L3MBTL4: variants seen among roughly 807,000 people sequenced by gnomAD.
The protein encoded by L3MBTL4 is lethal(3)malignant brain tumor-like protein 4.
In L3MBTL4, 70 loss-of-function variants were observed where a neutral mutation model predicts 84.5. The ratio of observed to expected loss-of-function variants is 0.83; its 90% CI spans 0.68 to 1.01. The LOEUF is 1.01. Among genes scored for constraint, L3MBTL4 ranks in the 50% least tolerant of loss-of-function variants. The probability of loss-of-function intolerance (pLI) is 0.00; values close to 1 mark genes in which losing one functional copy is unlikely to be tolerated. For missense variants in L3MBTL4, 715 were observed against 754.8 expected (o/e 0.95, Z 0.62); for synonymous variants, 274 against 259.8 (o/e 1.05, Z -0.52).
At chr18:6,195,594 C>T (rs1402415601) in intron 12 of L3MBTL4, among the ~76,000 whole-genome samples, 1 of 152,224 alleles carries the variant, frequency 6.6e-6, no homozygotes, top group African/African-American at 2.4e-5. Context: ...GCAAACAGCA[C>T]ACTCAGAGAA....
intron 1 of L3MBTL4, among the ~76,000 whole-genome samples, chr18:6,407,979 C>T (rs887521247): frequency 1.3e-5 from 2 of 152,084 alleles, no homozygotes; most frequent in South Asian, 4.1e-4. Flanking sequence ...AAAGCAGACA[C>T]AAATGTACAA....
intron 1 of L3MBTL4, among the ~76,000 whole-genome samples, chr18:6,348,296 T>C (rs911447598): frequency 2.6e-4 from 40 of 152,062 alleles, no homozygotes; most frequent in African/African-American, 9.2e-4. Context: ...CTAACAGTTA[T>C]ATGGAAATAC....
intron 16 of L3MBTL4, among the ~76,000 whole-genome samples, chr18:6,036,875 T>C (rs1393229353): frequency 2.0e-5 from 3 of 152,204 alleles, no homozygotes; most frequent in African/African-American, 7.2e-5. Context: ...CCTGTACCTT[T>C]CCCGGGCCAT....
At chr18:6,257,074 C>T (rs540722646) in intron 5 of L3MBTL4, among the ~76,000 whole-genome samples, 9 of 152,196 alleles carry the variant, frequency 5.9e-5, no homozygotes, top group African/African-American at 1.9e-4. Context: ...CACTGTAGTA[C>T]GCTGGACACT....
At chr18:6,339,474 T>G (rs1204104310) in intron 1 of L3MBTL4, among the ~76,000 whole-genome samples, 2 of 152,216 alleles carry the variant, frequency 1.3e-5, no homozygotes, top group Non-Finnish European at 2.9e-5. Context: ...CCACAATTTG[T>G]GAGATGCAGC....
In L3MBTL4 at chr18:6,298,445, A is replaced by G. The variant is rs541650376; in HGVS notation, c.127+3458T>C. Among the ~76,000 whole-genome samples, 3 of 152,232 alleles carry G rather than the reference A, an allele frequency of 2.0e-5. No individual in the cohort carries two copies. In the South Asian group the frequency reaches 6.2e-4, roughly 32 times the overall value. ...CCTTTCATTAGCTATAGTTGCGGAT[A>G]ATCTTTGCTAGTTTGTTGTTTCCCT... On this transcript the variant is annotated intron_variant, in intron 4 of 18. Transcript: ENST00000317931.
chr18:6,146,426 G>T (rs1023470496), intron 13 of L3MBTL4, among the ~76,000 whole-genome samples: 1 of 152,166 alleles, frequency 6.6e-6, no homozygotes, highest in Non-Finnish European at 1.5e-5. Flanking sequence ...GGCTGAGAGC[G>T]AGGAACTCAG....
At chr18:5,988,864 G>T (rs893216972) in intron 16 of L3MBTL4, among the ~76,000 whole-genome samples, 2 of 152,126 alleles carry the variant, frequency 1.3e-5, no homozygotes, top group Non-Finnish European at 1.5e-5. Context: ...TGTCACCAGG[G>T]TTGAGACACC....
chr18:6,168,607 G>C (rs539836567), intron 13 of L3MBTL4, among the ~76,000 whole-genome samples: 1 of 152,254 alleles, frequency 6.6e-6, no homozygotes, highest in South Asian at 2.1e-4. Context: ...ATGGTGCTGG[G>C]AAAACTGGCT....
intron 1 of L3MBTL4, among the ~76,000 whole-genome samples, chr18:6,412,074 A>G (rs1223413214): frequency 6.6e-6 from 1 of 152,124 alleles, no homozygotes; most frequent in East Asian, 1.9e-4. Flanking sequence ...TTTGTTGTAC[A>G]GATTATTTCA....
chr18:6,073,304 T>C (rs2057750246), intron 16 of L3MBTL4, among the ~76,000 whole-genome samples: 1 of 151,964 alleles, frequency 6.6e-6, no homozygotes, highest in African/African-American at 2.4e-5. Context: ...AACAACTCAA[T>C]AGCAACAGAC....
chr18:6,202,694 T>C (rs2045698419), intron 12 of L3MBTL4, among the ~76,000 whole-genome samples: 1 of 152,100 alleles, frequency 6.6e-6, no homozygotes, highest in Non-Finnish European at 1.5e-5. Flanking sequence ...GGGTAGACTG[T>C]AAGAATGACT....
chr18:6,119,623 ATCTAGTTTAAACAGTACAG>A (rs1250216828), intron 14 of L3MBTL4, among the ~76,000 whole-genome samples: 1 of 152,086 alleles, frequency 6.6e-6, no homozygotes, highest in Non-Finnish European at 1.5e-5. Context: ...CTATTTTGTA[ATCTAGTTTAAACAGTACAG>A]AAGCCAGGCC....
At chr18:6,262,722 TC>T (rs2048460359) in intron 5 of L3MBTL4, among the ~76,000 whole-genome samples, 1 of 152,184 alleles carries the variant, frequency 6.6e-6, no homozygotes, top group African/African-American at 2.4e-5. Context: ...GGTCTCATTT[TC>T]CATGGTATGA....
chr18:6,349,886 C>A (rs1271765827), intron 1 of L3MBTL4, among the ~76,000 whole-genome samples: 1 of 152,104 alleles, frequency 6.6e-6, no homozygotes, highest in Non-Finnish European at 1.5e-5. Context: ...TGTAATGTTT[C>A]TTGATCTGAA....
chr18:6,273,877 G>T (rs113691369), intron 4 of L3MBTL4, among the ~76,000 whole-genome samples: 182 of 152,366 alleles, frequency 1.2e-3, no homozygotes, highest in African/African-American at 4.0e-3. Flanking sequence ...TGAAGATCTG[G>T]TGACTCAACA....
intron 14 of L3MBTL4, among the ~76,000 whole-genome samples, chr18:6,101,689 G>A (rs1195684004): frequency 1.3e-5 from 2 of 152,216 alleles, no homozygotes; most frequent in Non-Finnish European, 2.9e-5. Flanking sequence ...GAGGTGCTCT[G>A]AATGGAGAGG....
intron 14 of L3MBTL4, among the ~76,000 whole-genome samples, chr18:6,111,254 C>T (rs1017413074): frequency 6.6e-6 from 1 of 152,060 alleles, no homozygotes; most frequent in African/African-American, 2.4e-5. Context: ...GTTCTAAAAT[C>T]GTGGTGATGG....
intron 9 of L3MBTL4, among the ~76,000 whole-genome samples, chr18:6,239,106 C>T (rs904076598): frequency 2.6e-5 from 4 of 151,936 alleles, no homozygotes; most frequent in Admixed American, 6.5e-5. Context: ...CTTTGGGAGG[C>T]CGAGGCGGGC....
Sources: gnomAD v4.1 joint callset for allele counts (sites outside exome capture counted in the v4.1 genomes callset) on GRCh38, gnomAD v4.1.1 for gene constraint, MANE v1.5 for transcripts, NCBI Gene and HGNC (gene_info 2026-07-23, HGNC 2026-07-21) for gene names.